LRMDA: variants seen among roughly 807,000 people sequenced by gnomAD.
The protein encoded by LRMDA is leucine-rich melanocyte differentiation-associated protein.
A neutral mutation model predicts 29.8 loss-of-function variants in LRMDA; 18 were observed. The ratio of observed to expected loss-of-function variants is 0.60; its 90% confidence interval spans 0.42 to 0.90. LRMDA has a LOEUF of 0.90. Ranked by LOEUF, LRMDA falls within the 40% of genes least tolerant of loss-of-function variation. The pLI, the probability that LRMDA is intolerant of heterozygous loss-of-function variation, is 0.00. For missense variants in LRMDA, 273 were observed against 273.9 expected, an observed-to-expected ratio of 1.00 and a Z score of 0.02; for synonymous variants, 125 against 109.4, an observed-to-expected ratio of 1.14 and a Z score of -0.89.
At chr10:76,003,753 G>A (rs530731695) in intron 2 of LRMDA, among the ~76,000 whole-genome samples, 1 of 152,146 alleles carries the variant, frequency 6.6e-6, no homozygotes, top group South Asian at 2.1e-4. Context: ...TGTCTGATAG[G>A]GGGAGGAAGA....
chr10:76,037,778 A>C lies in LRMDA; in HGVS notation c.258+1644A>C, dbSNP rs1402273133. The stretch of plus-strand genomic sequence containing the variant: ...GACCTAATCACCTCCCAAAGGCCTC[A>C]TCTCCACATACCATCATTTTGGGGA... On this transcript the variant is annotated intron_variant, in intron 3 of 6. Coordinates refer to ENST00000611255, the MANE Select transcript of LRMDA (RefSeq NM_001305581.2). Among the ~76,000 whole-genome samples, 3 of 152,346 alleles carry C rather than the reference A, an allele frequency of 2.0e-5. No homozygotes were observed. In the East Asian group the frequency reaches 5.8e-4, roughly 29 times the overall value.
intron 2 of LRMDA, among the ~76,000 whole-genome samples, chr10:75,676,158 C>T (rs1589154324): frequency 6.6e-6 from 1 of 152,170 alleles, no homozygotes; most frequent in Admixed American, 6.5e-5. Context: ...CTGAGCTATA[C>T]TTCTGCCCAG....
chr10:76,356,403 CAAT>C (rs887615614), intron 6 of LRMDA, among the ~76,000 whole-genome samples: 39 of 152,154 alleles, frequency 2.6e-4, no homozygotes, highest in African/African-American at 6.5e-4. Context: ...TTGCATACAA[CAAT>C]GAGACCCCTG....
At chr10:75,909,816 T>C (rs1483265536) in intron 2 of LRMDA, among the ~76,000 whole-genome samples, 3 of 152,224 alleles carry the variant, frequency 2.0e-5, no homozygotes, top group Non-Finnish European at 2.9e-5. Flanking sequence ...GTGTTGGGTC[T>C]CTGAAACCCA....
chr10:76,545,599 T>C (rs1843410608), intron 6 of LRMDA, among the ~76,000 whole-genome samples: 1 of 151,142 alleles, frequency 6.6e-6, no homozygotes, highest in Non-Finnish European at 1.5e-5. Flanking sequence ...AATTTGAATG[T>C]TTATGGTTTT....
At chr10:76,127,480 G>A (rs1026417816) in intron 5 of LRMDA, among the ~76,000 whole-genome samples, 1 of 152,002 alleles carries the variant, frequency 6.6e-6, no homozygotes, top group African/African-American at 2.4e-5. Flanking sequence ...AGCTGAGCCT[G>A]TTCCCAAACC....
chr10:76,530,607 G>A (rs1448145027), intron 6 of LRMDA, among the ~76,000 whole-genome samples: 2 of 152,172 alleles, frequency 1.3e-5, no homozygotes, highest in East Asian at 1.9e-4. Flanking sequence ...GGAGGAGCAG[G>A]AGGAGGAAAG....
chr10:76,501,398 G>A (rs991407963), intron 6 of LRMDA, among the ~76,000 whole-genome samples: 2 of 151,840 alleles, frequency 1.3e-5, no homozygotes, highest in Non-Finnish European at 2.9e-5. Context: ...CCAGTAATTG[G>A]GTTACTGGTT....
intron 2 of LRMDA, among the ~76,000 whole-genome samples, chr10:75,808,751 G>A (rs1393126315): frequency 4.6e-5 from 7 of 152,036 alleles, no homozygotes; most frequent in Non-Finnish European, 8.8e-5. Flanking sequence ...CTCATGATCC[G>A]CCCACCTCGG....
intron 2 of LRMDA, among the ~76,000 whole-genome samples, chr10:75,492,770 CA>C (rs1450934889): frequency 6.6e-6 from 1 of 152,110 alleles, no homozygotes; most frequent in Non-Finnish European, 1.5e-5. Context: ...CTATAAATAC[CA>C]AAAATATTTT....
intron 5 of LRMDA, among the ~76,000 whole-genome samples, chr10:76,168,789 C>T (rs1564673451): frequency 1.3e-5 from 2 of 152,192 alleles, no homozygotes; most frequent in Admixed American, 6.5e-5. Flanking sequence ...CCATATATCT[C>T]TTCCACACAT....
Position 75,539,954 on chromosome 10 carries a change from G to T in LRMDA, c.131+101460G>T, listed in dbSNP as rs1325083485. Among the ~76,000 whole-genome samples the T allele has an allele frequency of 2.6e-5, 4 of 152,250 alleles. No homozygotes were observed. In the East Asian group the frequency reaches 7.7e-4, roughly 29 times the overall value. ...GATATTAGCTTATCAGCACCCAGGG[G>T]TTAAAGGTTATTAACAGATTCACTA... On this transcript the variant is annotated intron_variant, in intron 2 of 6. Transcript: ENST00000611255.
At chr10:76,320,205 T>G (rs1298803924) in intron 5 of LRMDA, among the ~76,000 whole-genome samples, 2 of 152,236 alleles carry the variant, frequency 1.3e-5, no homozygotes, top group African/African-American at 4.8e-5. Context: ...CTTTCCATTA[T>G]GGATATTGCA....
chr10:75,564,665 C>T (rs563296549), intron 2 of LRMDA, among the ~76,000 whole-genome samples: 9 of 152,346 alleles, frequency 5.9e-5, no homozygotes, highest in Admixed American at 3.3e-4. Flanking sequence ...TGTTCCTATT[C>T]GGCCATCTTG....
intron 5 of LRMDA, among the ~76,000 whole-genome samples, chr10:76,192,357 T>C (rs1851261479): frequency 6.6e-6 from 1 of 152,162 alleles, no homozygotes; most frequent in South Asian, 2.1e-4. Flanking sequence ...TATTTAACAA[T>C]TGATCAGACC....
intron 6 of LRMDA, among the ~76,000 whole-genome samples, chr10:76,375,960 A>G (rs916847256): frequency 7.9e-5 from 12 of 152,184 alleles, no homozygotes; most frequent in African/African-American, 2.4e-4. Flanking sequence ...CTGCTGTATC[A>G]TGCTGTATCA....
chr10:76,420,302 T>C (rs966560146), intron 6 of LRMDA, among the ~76,000 whole-genome samples: 1 of 152,008 alleles, frequency 6.6e-6, no homozygotes, highest in African/African-American at 2.4e-5. Context: ...TTTTTAAAAA[T>C]TGATTTAAAT....
chr10:75,898,467 G>T (rs980401458), intron 2 of LRMDA, among the ~76,000 whole-genome samples: 1 of 152,120 alleles, frequency 6.6e-6, no homozygotes, highest in Non-Finnish European at 1.5e-5. Flanking sequence ...CATCTCACTT[G>T]TTCCTGATGC....
At chr10:75,494,715 G>A (rs1327347280) in intron 2 of LRMDA, among the ~76,000 whole-genome samples, 1 of 152,026 alleles carries the variant, frequency 6.6e-6, no homozygotes, top group African/African-American at 2.4e-5. Flanking sequence ...TGGCCAGGCT[G>A]GTCTTGAACT....
Sources: gnomAD v4.1 joint callset for allele counts (sites outside exome capture counted in the v4.1 genomes callset) on GRCh38, gnomAD v4.1.1 for gene constraint, MANE v1.5 for transcripts, NCBI Gene and HGNC (gene_info 2026-07-23, HGNC 2026-07-21) for gene names.